EEFSEC: variants seen among roughly 807,000 people sequenced by gnomAD.
EEFSEC encodes the protein eukaryotic elongation factor, selenocysteine-tRNA specific, also known as selenocysteine-specific elongation factor.
EEFSEC carries 43 observed loss-of-function variants against 42.1 expected under a neutral mutation model. The observed-to-expected ratio is 1.02, with a 90% confidence interval of 0.80 to 1.32. The LOEUF is 1.32. EEFSEC is among the 40% of genes most tolerant of loss of function. EEFSEC has a pLI of 0.00. For synonymous variants in EEFSEC, 354 were observed against 339.1 expected (o/e 1.04, Z -0.48); for missense variants, 745 against 803.6 (o/e 0.93, Z 0.88).
intron 1 of EEFSEC, among the ~76,000 whole-genome samples, chr3:128,215,313 A>G (rs73861029): frequency 6.6e-6 from 1 of 152,180 alleles, no homozygotes; most frequent in Admixed American, 6.5e-5. Flanking sequence ...CCCTGGGGGA[A>G]GGAACCTGGG....
intron 6 of EEFSEC, among the ~76,000 whole-genome samples, chr3:128,373,112 C>T (rs149686099): frequency 6.6e-6 from 1 of 152,170 alleles, no homozygotes; most frequent in African/African-American, 2.4e-5. Flanking sequence ...CAAGATGAGG[C>T]CCTGAGAAGT....
intron 1 of EEFSEC, among the ~76,000 whole-genome samples, chr3:128,231,856 C>T (rs1559878839): frequency 6.6e-6 from 1 of 152,214 alleles, no homozygotes. Flanking sequence ...CCCCGACTCC[C>T]CCAGCTGAGA....
chr3:128,414,769 C>T, the EEFSEC span, among the ~76,000 whole-genome samples: 2 of 152,190 alleles, frequency 1.3e-5, no homozygotes, highest in Non-Finnish European at 2.9e-5. Context: ...TTGGGGAAGA[C>T]ATGTCTGGAG....
chr3:128,175,108 TCTA>T (rs1213658275), intron 1 of EEFSEC, among the ~76,000 whole-genome samples: 2 of 151,120 alleles, frequency 1.3e-5, no homozygotes, highest in Non-Finnish European at 3.0e-5. Context: ...CCCCCTCTGC[TCTA>T]CTCCTCCTCC....
intron 6 of EEFSEC, among the ~76,000 whole-genome samples, chr3:128,395,838 C>T (rs2067974900): frequency 6.6e-6 from 1 of 152,230 alleles, no homozygotes; most frequent in African/African-American, 2.4e-5. Context: ...GCAGTGGCCT[C>T]TCTTTACCAA....
At chr3:128,281,881 G>A (rs2066529783) in intron 4 of EEFSEC, among the ~76,000 whole-genome samples, 1 of 152,210 alleles carries the variant, frequency 6.6e-6, no homozygotes. Flanking sequence ...GGGAAGCTGG[G>A]GCGTTCCCCT....
At position 128,264,563 on chromosome 3, in the gene EEFSEC, T is replaced by C. The variant is rs551355460; in HGVS notation, c.622-54T>C. 1.7e-5 allele frequency: 27 copies of C among 1,587,852 alleles called. No homozygotes were observed. In the African/African-American group the frequency reaches 3.1e-4, roughly 18 times the overall value. ...CCACATTCTCTGCCTTCCTCTGCCC[T>C]GCCCCATCTGGCTCCTCTCCCCACG... On this transcript the variant is annotated intron_variant, in intron 3 of 6. Coordinates refer to ENST00000254730, the MANE Select transcript of EEFSEC (RefSeq NM_021937.5).
At chr3:128,280,059 G>A (rs183008078) in intron 4 of EEFSEC, among the ~76,000 whole-genome samples, 5 of 152,308 alleles carry the variant, frequency 3.3e-5, no homozygotes, top group African/African-American at 1.2e-4. Flanking sequence ...TCATGTTCCT[G>A]GGCCCTTAAT....
At chr3:128,370,411 A>G (rs1044684329) in intron 6 of EEFSEC, among the ~76,000 whole-genome samples, 11 of 152,120 alleles carry the variant, frequency 7.2e-5, no homozygotes, top group Non-Finnish European at 1.3e-4. Context: ...GCTGTGCCCC[A>G]TGCAGGATGC....
At chr3:128,358,877 G>A (rs1559938790) in intron 6 of EEFSEC, among the ~76,000 whole-genome samples, 2 of 152,182 alleles carry the variant, frequency 1.3e-5, no homozygotes, top group East Asian at 1.9e-4. Context: ...GTCAGAGGGT[G>A]TGTGTTTGCT....
intron 1 of EEFSEC, among the ~76,000 whole-genome samples, chr3:128,179,041 G>A (rs1458474407): frequency 6.6e-6 from 1 of 152,146 alleles, no homozygotes; most frequent in Non-Finnish European, 1.5e-5. Context: ...TGTTTTTACA[G>A]GCTGGAAAGA....
chr3:128,418,981 A>T, the EEFSEC span, among the ~76,000 whole-genome samples: 2 of 152,214 alleles, frequency 1.3e-5, no homozygotes, highest in African/African-American at 4.8e-5. Context: ...AATGCTCTTC[A>T]TCCCCATACA....
At chr3:128,277,897 G>T (rs1486957597) in intron 4 of EEFSEC, among the ~76,000 whole-genome samples, 2 of 152,230 alleles carry the variant, frequency 1.3e-5, no homozygotes, top group African/African-American at 4.8e-5. Context: ...TGAGCAAGGT[G>T]TGGGTAGAGA....
chr3:128,373,517 G>A (rs2977566), intron 6 of EEFSEC, among the ~76,000 whole-genome samples: 1 of 152,328 alleles, frequency 6.6e-6, no homozygotes, highest in African/African-American at 2.4e-5. Context: ...GTGTTTCACT[G>A]CTGCCGGGTA....
chr3:128,394,326 C>T (rs1407103636), intron 6 of EEFSEC, among the ~76,000 whole-genome samples: 2 of 152,158 alleles, frequency 1.3e-5, no homozygotes, highest in Non-Finnish European at 1.5e-5. Context: ...CGCCTGCCCA[C>T]GGCCTCTCGC....
intron 1 of EEFSEC, among the ~76,000 whole-genome samples, chr3:128,216,148 C>T (rs2065808830): frequency 6.6e-6 from 1 of 152,208 alleles, no homozygotes; most frequent in Non-Finnish European, 1.5e-5. Context: ...TCATTTCAAA[C>T]CAAGCATTCT....
intron 6 of EEFSEC, among the ~76,000 whole-genome samples, chr3:128,385,462 G>T (rs1024619772): frequency 2.0e-5 from 3 of 152,172 alleles, no homozygotes; most frequent in African/African-American, 7.2e-5. Flanking sequence ...ACATGAAGAG[G>T]CCAAAGCAAA....
chr3:128,350,679 A>G (rs866365415), intron 5 of EEFSEC, among the ~76,000 whole-genome samples: 1 of 152,222 alleles, frequency 6.6e-6, no homozygotes, highest in Non-Finnish European at 1.5e-5. Context: ...ATAGAGACAC[A>G]GGGTCAGGAC....
At chr3:128,315,985 A>T (rs1428041142) in intron 4 of EEFSEC, among the ~76,000 whole-genome samples, 1 of 152,196 alleles carries the variant, frequency 6.6e-6, no homozygotes, top group African/African-American at 2.4e-5. Flanking sequence ...GCATAATATT[A>T]AATGTTTTCT....
Sources: allele counts gnomAD v4.1 joint callset (sites outside exome capture counted in the v4.1 genomes callset), GRCh38; gene constraint gnomAD v4.1.1; transcripts MANE v1.5; gene names NCBI Gene and HGNC (gene_info 2026-07-23, HGNC 2026-07-21).